NBDY: variants seen among roughly 807,000 people sequenced by gnomAD.
NBDY encodes the protein P-body dissociating protein.
At position 56,787,562 on chromosome X, in the gene NBDY, A is replaced by T. The variant is rs1555993; in HGVS notation, c.*167-29758A>T. ...AAATGCAGGAAGTCTGTTATCAGATAGGCCCAAGCAGCAGGTGTGAAACTG... is the reference window on the plus strand; with the variant it reads ...AAATGCAGGAAGTCTGTTATCAGATTGGCCCAAGCAGCAGGTGTGAAACTG... On this transcript the variant is annotated intron_variant, in intron 2 of 2. Transcript: ENST00000374922. Among the ~76,000 whole-genome samples, 300 of 112,189 alleles carry T rather than the reference A, an allele frequency of 2.7e-3. 2 individuals carry two copies. The highest frequency in any genetic ancestry group is 9.3e-3 in the African/African-American group (287 of 30,846).
intron 2 of NBDY, among the ~76,000 whole-genome samples, chrX:56,813,053 G>C (rs939241751): frequency 1.8e-5 from 2 of 110,852 alleles, no homozygotes; most frequent in African/African-American, 3.3e-5. Flanking sequence ...TGTGAGGGGA[G>C]GGGGAGGGAT....
At chrX:56,754,779 C>T (rs2069601015) in intron 2 of NBDY, among the ~76,000 whole-genome samples, 1 of 107,745 alleles carries the variant, frequency 9.3e-6, no homozygotes, top group Non-Finnish European at 1.9e-5. Flanking sequence ...CCTAGAGGAA[C>T]AAGAAAAATA....
chrX:56,765,997 G>C (rs966160831), intron 2 of NBDY, among the ~76,000 whole-genome samples: 4 of 111,469 alleles, frequency 3.6e-5, no homozygotes, highest in African/African-American at 1.3e-4. Context: ...CGTTCTTTAA[G>C]GAGCACAGAT....
At chrX:56,805,368 T>C (rs1331212911) in intron 2 of NBDY, among the ~76,000 whole-genome samples, 1 of 112,306 alleles carries the variant, frequency 8.9e-6, no homozygotes, top group Non-Finnish European at 1.9e-5. Flanking sequence ...TGTCTTTATC[T>C]GTGCTTCCAT....
chrX:56,817,568 C>G lies in NBDY; in HGVS notation c.*415C>G, dbSNP rs768627282. ...ATTAAGGCCCCAATAAAGTTTGTCT[C>G]TAAGCGCTGTGTTAGATCTATATGA... On this transcript the variant is annotated 3_prime_UTR_variant, in exon 3 of 3. Transcript: ENST00000374922. 5 of 111,977 alleles carry G rather than the reference C, an allele frequency of 4.5e-5. No individual in the cohort carries two copies. The highest frequency in any genetic ancestry group is 9.4e-5 in the Non-Finnish European group (5 of 53,224). 9.2% of individuals were successfully genotyped at this position (111,977 alleles called of 1,213,427 possible).
chrX:56,749,655 T>C (rs1602652551), intron 2 of NBDY, among the ~76,000 whole-genome samples: 1 of 2,133 alleles, frequency 4.7e-4, no homozygotes, highest in Non-Finnish European at 0.033. Flanking sequence ...ATTTGCATCC[T>C]TTTTTTTTTT....
intron 2 of NBDY, among the ~76,000 whole-genome samples, chrX:56,758,883 G>T (rs1334716990): frequency 9.0e-6 from 1 of 111,586 alleles, no homozygotes; most frequent in Non-Finnish European, 1.9e-5. Flanking sequence ...AAATTATTTT[G>T]CCCCTTTAGG....
intron 2 of NBDY, among the ~76,000 whole-genome samples, chrX:56,744,089 A>G (rs1055991126): frequency 9.0e-6 from 1 of 111,376 alleles, no homozygotes; most frequent in Admixed American, 9.6e-5. Context: ...ATTCAGGAAC[A>G]TACTGTTTAA....
At chrX:56,765,901 G>C (rs551202308) in intron 2 of NBDY, among the ~76,000 whole-genome samples, 2 of 110,471 alleles carry the variant, frequency 1.8e-5, no homozygotes, top group Non-Finnish European at 3.8e-5. Flanking sequence ...GGGTGGGCAC[G>C]TGTTCTAGCA....
chrX:56,748,934 G>C (rs1379884367), intron 2 of NBDY, among the ~76,000 whole-genome samples: 2 of 105,936 alleles, frequency 1.9e-5, no homozygotes, highest in African/African-American at 3.4e-5. Context: ...AGCCAAGGGA[G>C]TATTAAAAAA....
chrX:56,761,441 A>G (rs1049814842), intron 2 of NBDY, among the ~76,000 whole-genome samples: 17 of 113,155 alleles, frequency 1.5e-4, no homozygotes, highest in Non-Finnish European at 3.0e-4. Context: ...GCCTCTGTGC[A>G]CATGCAGTGC....
chrX:56,754,199 A>G (rs1484747803), intron 2 of NBDY, among the ~76,000 whole-genome samples: 2 of 111,486 alleles, frequency 1.8e-5, no homozygotes, highest in Non-Finnish European at 3.8e-5. Flanking sequence ...GGAGAGGAGG[A>G]GAATTGAAGG....
At chrX:56,765,893 G>A (rs746772226) in intron 2 of NBDY, among the ~76,000 whole-genome samples, 4 of 110,074 alleles carry the variant, frequency 3.6e-5, no homozygotes, top group Non-Finnish European at 5.7e-5. Flanking sequence ...GCGGATCTGG[G>A]TGGGCACGTG....
chrX:56,749,400 T>G (rs766219657), intron 2 of NBDY, among the ~76,000 whole-genome samples: 1 of 111,436 alleles, frequency 9.0e-6, no homozygotes, highest in South Asian at 3.8e-4. Flanking sequence ...TAATACACAC[T>G]AACTTTTCCA....
chrX:56,753,104 A>C (rs989855821), intron 2 of NBDY, among the ~76,000 whole-genome samples: 3 of 112,640 alleles, frequency 2.7e-5, no homozygotes, highest in African/African-American at 9.7e-5. Flanking sequence ...AAATTAACTC[A>C]GTTCTATTCA....
At chrX:56,738,464 G>A (rs750000437) in intron 2 of NBDY, among the ~76,000 whole-genome samples, 1 of 112,008 alleles carries the variant, frequency 8.9e-6, no homozygotes, top group Admixed American at 9.4e-5. Context: ...AGATCCCACA[G>A]ATTGAGGGCT....
rs748218938 is a variant in NBDY, at chrX:56,787,968, C to A, written c.*167-29352C>A. Among the ~76,000 whole-genome samples the A allele has an allele frequency of 4.6e-3, 517 of 112,844 alleles. 3 individuals carry two copies. Among genetic ancestry groups the A allele is most frequent in the Admixed American group, 0.013 (142 of 10,766 alleles). On this transcript the variant is annotated intron_variant, in intron 2 of 2. Transcript: ENST00000374922. The stretch of plus-strand genomic sequence containing the variant: ...GTATAAGACAGCCGAGTGGCCAGCG[C>A]CTCGTCCTGGAGCTGCAGCCCTATG...
intron 2 of NBDY, among the ~76,000 whole-genome samples, chrX:56,734,403 C>T (rs1045268237): frequency 8.9e-6 from 1 of 112,232 alleles, no homozygotes; most frequent in Non-Finnish European, 1.9e-5. Context: ...AATAGAAAAA[C>T]AGAACATAGA....
intron 1 of NBDY, among the ~76,000 whole-genome samples, chrX:56,730,661 A>G (rs1437171128): frequency 1.8e-5 from 2 of 109,480 alleles, no homozygotes; most frequent in Non-Finnish European, 3.8e-5. Context: ...TCTTCTGGAA[A>G]CAGCTTGGCT....
Sources: gnomAD v4.1 joint callset for allele counts (sites outside exome capture counted in the v4.1 genomes callset) on GRCh38, gnomAD v4.1.1 for gene constraint, MANE v1.5 for transcripts, NCBI Gene and HGNC (gene_info 2026-07-23, HGNC 2026-07-21) for gene names.